The following SGCD variants were observed in gnomAD, a reference collection of about 807,000 sequenced individuals.
The protein encoded by SGCD is sarcoglycan delta, also known as delta-sarcoglycan.
SGCD carries 18 observed loss-of-function variants against 36.6 expected under a neutral mutation model. The observed-to-expected ratio is 0.49, with a 90% CI of 0.34 to 0.73. SGCD has a LOEUF of 0.73. Ranked by LOEUF, SGCD falls within the 30% of genes least tolerant of loss-of-function variation. The pLI, the probability that SGCD is intolerant of heterozygous loss-of-function variation, is 0.01. For synonymous variants in SGCD, 133 were observed against 130.6 expected (o/e 1.02, Z -0.12); for missense variants, 387 against 346.7 (o/e 1.12, Z -0.92).
intron 3 of SGCD, among the ~76,000 whole-genome samples, chr5:156,503,708 A>G (rs1474967788): frequency 6.6e-6 from 1 of 152,236 alleles, no homozygotes; most frequent in Non-Finnish European, 1.5e-5. Flanking sequence ...CACTTGTAAA[A>G]GAAGGAAAAT....
intron 1 of SGCD, among the ~76,000 whole-genome samples, chr5:156,052,418 A>C (rs1247757400): frequency 6.8e-6 from 1 of 146,440 alleles, no homozygotes; most frequent in Non-Finnish European, 1.5e-5. Context: ...TTTGAACTTC[A>C]TGCTAAGTGT....
chr5:155,954,017 T>C (rs1408647913), intron 1 of SGCD, among the ~76,000 whole-genome samples: 1 of 152,168 alleles, frequency 6.6e-6, no homozygotes, highest in Non-Finnish European at 1.5e-5. Flanking sequence ...TTTTATTATT[T>C]CGTAGCAGAA....
chr5:156,653,493 C>CTTTTTTTTGTTTTTTTTTTTTTTTTTT (rs1763546599), intron 7 of SGCD, among the ~76,000 whole-genome samples: 1 of 48,082 alleles, frequency 2.1e-5, no homozygotes, highest in Non-Finnish European at 4.0e-5. Context: ...CTAAAGCTTG[C>CTTTTTTTTGTTTTTTTTTTTTTTTTTT]TTTTTTTTTT....
rs904253269 is a variant in SGCD, at chr5:156,329,452, T to C, written c.-43-82T>C. 20 of 958,954 alleles carry C rather than the reference T, an allele frequency of 2.1e-5. No homozygotes were observed. In the African/African-American group the frequency reaches 3.1e-4, roughly 15 times the overall value. 59.4% of individuals were successfully genotyped at this position (958,954 alleles called of 1,614,324 possible). On this transcript the variant is annotated intron_variant, in intron 1 of 8. Coordinates refer to ENST00000337851, the MANE Select transcript of SGCD (RefSeq NM_000337.6). ...GAAAGCACATTTTGTAAGAATGGCATTGCCTGAGGGTTCAGATTTCCTAGG... is the reference window on the plus strand; with the variant it reads ...GAAAGCACATTTTGTAAGAATGGCACTGCCTGAGGGTTCAGATTTCCTAGG...
chr5:156,581,616 G>T (rs755475684), intron 4 of SGCD, among the ~76,000 whole-genome samples: 10 of 152,284 alleles, frequency 6.6e-5, no homozygotes, highest in Non-Finnish European at 1.3e-4. Context: ...ACCTACTCAA[G>T]CCTCAGCAAT....
intron 7 of SGCD, among the ~76,000 whole-genome samples, chr5:156,691,999 G>C (rs780257519): frequency 3.9e-5 from 6 of 152,204 alleles, no homozygotes; most frequent in Non-Finnish European, 8.8e-5. Flanking sequence ...AAATTTTGAT[G>C]TGTGGAACTG....
chr5:156,473,129 A>C (rs1408311744), intron 3 of SGCD, among the ~76,000 whole-genome samples: 1 of 152,176 alleles, frequency 6.6e-6, no homozygotes. Flanking sequence ...TTGAGTGACT[A>C]TTTCAGCCGT....
rs200757725 is a variant in SGCD at position 156,759,392 on chromosome 5, A to C, written c.*2A>C. On this transcript the variant is annotated 3_prime_UTR_variant, in exon 9 of 9. Coordinates refer to ENST00000337851, the MANE Select transcript of SGCD (RefSeq NM_000337.6). ...ATAAACACAAGTGTCTGCCTCTGAA[A>C]GACTATCCATAGTGGACATTGTTGG... 4.0e-4 allele frequency: 640 copies of C among 1,603,556 alleles called. 3 individuals are homozygous for C. In the African/African-American group the frequency reaches 8.1e-3, roughly 20 times the overall value.
intron 1 of SGCD, among the ~76,000 whole-genome samples, chr5:155,893,768 G>A (rs1360726743): frequency 6.6e-6 from 1 of 152,166 alleles, no homozygotes; most frequent in African/African-American, 2.4e-5. Flanking sequence ...CGAGAAATGT[G>A]CTCTTAGATA....
chr5:156,564,437 A>G (rs944951538), intron 4 of SGCD, among the ~76,000 whole-genome samples: 1 of 152,174 alleles, frequency 6.6e-6, no homozygotes, highest in African/African-American at 2.4e-5. Context: ...GCGACAGAGC[A>G]AGACTCCATC....
the SGCD span, among the ~76,000 whole-genome samples, chr5:155,737,785 A>G: frequency 2.3e-3 from 350 of 152,254 alleles, 1 homozygote; most frequent in Non-Finnish European, 4.0e-3. Context: ...GTTGTCATTG[A>G]TCACTCATAG....
intron 1 of SGCD, among the ~76,000 whole-genome samples, chr5:155,960,592 A>T (rs1757773564): frequency 6.6e-6 from 1 of 152,152 alleles, no homozygotes; most frequent in South Asian, 2.1e-4. Context: ...TTTAGAAAAA[A>T]ATTAAATGCA....
the SGCD span, among the ~76,000 whole-genome samples, chr5:155,864,767 C>T: frequency 1.3e-5 from 2 of 152,256 alleles, no homozygotes; most frequent in South Asian, 2.1e-4. Flanking sequence ...TGTGTGCGTA[C>T]ACATTCTAGT....
chr5:156,183,349 C>T (rs900432730), intron 3 of SGCD, among the ~76,000 whole-genome samples: 1 of 152,190 alleles, frequency 6.6e-6, no homozygotes, highest in African/African-American at 2.4e-5. Context: ...CAGTACCCCA[C>T]TTGGCCTAGT....
At chr5:156,492,063 C>G (rs778707095) in intron 3 of SGCD, among the ~76,000 whole-genome samples, 26 of 152,062 alleles carry the variant, frequency 1.7e-4, no homozygotes, top group Non-Finnish European at 2.5e-4. Flanking sequence ...CTTATGTCCT[C>G]TAAAAAAGAG....
chr5:156,502,135 CT>C (rs1756483720), intron 3 of SGCD, among the ~76,000 whole-genome samples: 3 of 151,578 alleles, frequency 2.0e-5, no homozygotes, highest in Non-Finnish European at 4.4e-5. Context: ...CAAACTCTGC[CT>C]CCTGTGTTCA....
chr5:156,274,289 G>C (rs13165177), intron 3 of SGCD, among the ~76,000 whole-genome samples: 151,943 of 152,210 alleles, frequency 1, 75,838 homozygotes, highest in East Asian at 1. Context: ...TAAATAACAA[G>C]AGGTTGTCAT....
intron 3 of SGCD, among the ~76,000 whole-genome samples, chr5:156,269,289 G>A (rs1425141616): frequency 2.0e-5 from 3 of 151,582 alleles, no homozygotes; most frequent in African/African-American, 7.3e-5. Context: ...CTAACATGGT[G>A]AAACCCTGTC....
At chr5:155,875,444 T>C (rs1755744619) in intron 1 of SGCD, among the ~76,000 whole-genome samples, 1 of 152,150 alleles carries the variant, frequency 6.6e-6, no homozygotes, top group South Asian at 2.1e-4. Flanking sequence ...ATGAAGATGA[T>C]AGACATGAAT....
Sources: allele counts gnomAD v4.1 joint callset (sites outside exome capture counted in the v4.1 genomes callset), GRCh38; gene constraint gnomAD v4.1.1; transcripts MANE v1.5; gene names NCBI Gene and HGNC (gene_info 2026-07-23, HGNC 2026-07-21).